NCS1: variants seen among roughly 807,000 people sequenced by gnomAD.
NCS1 encodes the protein neuronal calcium sensor 1.
In NCS1, 6 loss-of-function variants were observed where a neutral mutation model predicts 28.4. That is an observed-to-expected ratio of 0.21 (90% CI 0.12 to 0.42). The LOEUF is 0.42. Ranked by LOEUF, NCS1 falls within the 10% of genes least tolerant of loss-of-function variation. NCS1 has a pLI of 1.00. For synonymous variants in NCS1, 86 were observed against 99.3 expected, an observed-to-expected ratio of 0.87 and a Z score of 0.79; for missense variants, 131 against 241.4, an observed-to-expected ratio of 0.54 and a Z score of 3.03.
intron 6 of NCS1, among the ~76,000 whole-genome samples, chr9:130,224,828 TAA>T (rs1554911182): frequency 6.6e-6 from 1 of 152,184 alleles, no homozygotes; most frequent in Non-Finnish European, 1.5e-5. Context: ...TACTTAAAAC[TAA>T]AATAACTTAA....
rs993661019 is a variant in NCS1 at position 130,191,426 on chromosome 9, C to A, written c.65-9532C>A. On this transcript the variant is annotated intron_variant, in intron 1 of 7. Coordinates refer to ENST00000372398, the MANE Select transcript of NCS1 (RefSeq NM_014286.4). This position sits in a 1 kb window ranked among gnomAD's most constrained non-coding sequence, Gnocchi z 6.4. ...GGAGATCCCCCAACAGGTGAAATAC[C>A]CCCCGATTCGAGTGCTCAGCCTTCC... 1.3e-5 allele frequency among the ~76,000 whole-genome samples: 2 copies of A among 152,164 alleles called. No homozygotes were observed. The highest frequency in any genetic ancestry group is 2.4e-5 in the African/African-American group (1 of 41,446).
Position 130,181,191 on chromosome 9 carries a change from G to A in NCS1, c.64+8464G>A, listed in dbSNP as rs548181751. Among the ~76,000 whole-genome samples, 134 of 152,306 alleles carry A rather than the reference G, an allele frequency of 8.8e-4. No individual in the cohort carries two copies. Among genetic ancestry groups the A allele is most frequent in the African/African-American group, 2.9e-3 (119 of 41,564 alleles). ...CTTGGGCTGTGGTGTTCAAGACCCA[G>A]GCCCTTGGATCTTCTCAGCCTCAGG... is the stretch of plus-strand genomic sequence containing the variant. On this transcript the variant is annotated intron_variant, in intron 1 of 7. Coordinates refer to ENST00000372398, the MANE Select transcript of NCS1 (RefSeq NM_014286.4). The surrounding 1 kb of genome is among the most constrained non-coding windows in gnomAD (Gnocchi z 5.0).
Position 130,209,997 on chromosome 9 carries a change from G to A in NCS1, c.90-7835G>A, listed in dbSNP as rs782766937. On this transcript the variant is annotated intron_variant, in intron 2 of 7. Coordinates refer to ENST00000372398, the MANE Select transcript of NCS1 (RefSeq NM_014286.4). This position sits in a 1 kb window ranked among gnomAD's most constrained non-coding sequence, Gnocchi z 4.4. ...TAAGACCCTGTTCGCGAACAAGGTT[G>A]TGTGAGGTGTGGCCTCTGTATAAAC... Among the ~76,000 whole-genome samples, 1 of 152,122 alleles carries A rather than the reference G, an allele frequency of 6.6e-6. No homozygotes were observed. Among genetic ancestry groups the A allele is most frequent in the Non-Finnish European group, 1.5e-5 (1 of 68,032 alleles).
chr9:130,183,209 G>T (rs1367821114), intron 1 of NCS1, among the ~76,000 whole-genome samples: 1 of 152,198 alleles, frequency 6.6e-6, no homozygotes, highest in African/African-American at 2.4e-5. Context: ...TGTGGCCTCT[G>T]GCTGCCCCTC....
intron 1 of NCS1, among the ~76,000 whole-genome samples, chr9:130,182,055 T>A (rs559147808): frequency 5.3e-5 from 8 of 151,926 alleles, no homozygotes; most frequent in Admixed American, 2.6e-4. Context: ...AGTATTGTGG[T>A]TGGGGGGAGA....
At chr9:130,202,640 C>G (rs1832969001) in intron 2 of NCS1, among the ~76,000 whole-genome samples, 1 of 150,126 alleles carries the variant, frequency 6.7e-6, no homozygotes, top group East Asian at 2.0e-4. Flanking sequence ...AGTGCAGTGG[C>G]ATGATCTCAG....
rs1349680033 is a variant in NCS1 at position 130,219,534 on chromosome 9, TC to T, written c.229-186del. Among the ~76,000 whole-genome samples, 4 of 145,128 alleles carry T rather than the reference TC, an allele frequency of 2.8e-5. No individual in the cohort carries two copies. The highest frequency in any genetic ancestry group is 6.1e-5 in the Non-Finnish European group (4 of 66,114). On this transcript the variant is annotated intron_variant, in intron 3 of 7. Coordinates refer to ENST00000372398, the MANE Select transcript of NCS1 (RefSeq NM_014286.4). The surrounding 1 kb of genome is among the most constrained non-coding windows in gnomAD (Gnocchi z 5.7). ...CTCCCACTTCTAACCCCCCACACAGTCCCCCAGCCTCTGCTCCCCACCCTCT... is the reference window on the plus strand; with the variant it reads ...CTCCCACTTCTAACCCCCCACACAGTCCCCAGCCTCTGCTCCCCACCCTCT...
chr9:130,212,927 G>T (rs752738883), intron 2 of NCS1, among the ~76,000 whole-genome samples: 18 of 152,192 alleles, frequency 1.2e-4, no homozygotes, highest in Non-Finnish European at 1.8e-4. Context: ...GCTGTGATTT[G>T]CAGGGTGGTA....
intron 5 of NCS1, 151 bp from the exon 6 acceptor site, chr9:130,222,931 A>G: frequency 1.4e-6 from 1 of 700,920 alleles, no homozygotes; most frequent in Non-Finnish European, 2.4e-6. Flanking sequence ...GGGGTGTGGG[A>G]TGTTCCAGGG....
At chr9:130,213,755 A>C (rs934819465) in intron 2 of NCS1, among the ~76,000 whole-genome samples, 2 of 151,482 alleles carry the variant, frequency 1.3e-5, no homozygotes, top group Non-Finnish European at 2.9e-5. Flanking sequence ...TATTTTGTAT[A>C]TATAGTAGAG....
intron 1 of NCS1, among the ~76,000 whole-genome samples, chr9:130,190,353 C>T (rs1832801536): frequency 6.6e-6 from 1 of 152,176 alleles, no homozygotes; most frequent in East Asian, 1.9e-4. Context: ...TCTCATACAG[C>T]TTCTCTGAGG....
chr9:130,221,417 G>T (rs1453091589), intron 4 of NCS1, among the ~76,000 whole-genome samples: 15 of 55,966 alleles, frequency 2.7e-4, no homozygotes, highest in African/African-American at 9.4e-4. Context: ...TATATATAGA[G>T]AGAGAGAGAG....
chr9:130,221,445 G>GAGAGAA (rs1564713770), intron 4 of NCS1, among the ~76,000 whole-genome samples: 4 of 140,310 alleles, frequency 2.9e-5, no homozygotes, highest in Admixed American at 1.5e-4. Flanking sequence ...GAGAGAGAGA[G>GAGAGAA]AGAGAGAAAG....
intron 2 of NCS1, among the ~76,000 whole-genome samples, chr9:130,207,993 C>T (rs782029926): frequency 3.9e-5 from 6 of 152,214 alleles, no homozygotes; most frequent in Non-Finnish European, 7.4e-5. Context: ...CCCAATTCAC[C>T]GTCGTGGAAG....
In NCS1 at chr9:130,235,920, G is replaced by A. The variant is rs10988650; in HGVS notation, c.*2948G>A. 6,235 of 152,416 alleles carry A rather than the reference G, an allele frequency of 0.041. 189 individuals carry two copies. Among genetic ancestry groups the A allele is most frequent in the Non-Finnish European group, 0.063 (4,278 of 68,116 alleles). 9.4% of individuals were successfully genotyped at this position (152,416 alleles called of 1,614,324 possible). On this transcript the variant is annotated 3_prime_UTR_variant, in exon 8 of 8. Coordinates refer to ENST00000372398, the MANE Select transcript of NCS1 (RefSeq NM_014286.4). ...GCCAGGGCAGGCACCAGCCCCAGGC[G>A]GCCAGTCGGCCACGGCCTGTCCTCT...
In NCS1 at chr9:130,222,698, A is replaced by G. The variant is rs146218396; in HGVS notation, c.356A>G (p.Asn119Ser). The G allele has an allele frequency of 1.3e-4, 207 of 1,613,818 alleles. No individual in the cohort carries two copies. The highest frequency in any genetic ancestry group is 1.6e-4 in the Non-Finnish European group (192 of 1,179,940). ...GACAATGATGGCTACATCACCAGGA[A>G]TGAGATGCTGGACATTGTGGATGCC... The part of the protein sequence containing the change: ...DLDNDGYITR[N>S]EMLDIVDAIY... The change falls in exon 5 of 8, where the codon AAT becomes AGT. Residue 119 changes from asparagine to serine, a missense_variant. By Grantham distance (46) the Asn-to-Ser change is conservative. Transcript: ENST00000372398.
Position 130,234,535 on chromosome 9 carries a change from G to C in NCS1, c.*1563G>C, listed in dbSNP as rs1554912625. 6.6e-6 allele frequency: 1 copy of C among 152,418 alleles called. No individual in the cohort carries two copies. Among genetic ancestry groups the C allele is most frequent in the African/African-American group, 2.4e-5 (1 of 41,472 alleles). The allele number at this position is 152,418 out of a possible 1,614,324, so 9.4% of individuals were successfully genotyped here. On this transcript the variant is annotated 3_prime_UTR_variant, in exon 8 of 8. Coordinates refer to ENST00000372398, the MANE Select transcript of NCS1 (RefSeq NM_014286.4). This position sits in a 1 kb window ranked among gnomAD's most constrained non-coding sequence, Gnocchi z 6.1. ...CCATCTGCAGAGCGAGGAGGCCCGGGCTGGTTGGTCTTGAAGGCCCTTTTC... is the reference window on the plus strand; with the variant it reads ...CCATCTGCAGAGCGAGGAGGCCCGGCCTGGTTGGTCTTGAAGGCCCTTTTC...
chr9:130,212,031 A>ACCATGTGGAAGACAT (rs6151194), intron 2 of NCS1, among the ~76,000 whole-genome samples: 10,247 of 152,028 alleles, frequency 0.067, 429 homozygotes, highest in Middle Eastern at 0.11. Flanking sequence ...GGAAGGGCAG[A>ACCATGTGGAAGACAT]CCATGTGGAA....
At chr9:130,211,350 G>A (rs1833109683) in intron 2 of NCS1, among the ~76,000 whole-genome samples, 2 of 151,526 alleles carry the variant, frequency 1.3e-5, no homozygotes, top group Non-Finnish European at 2.9e-5. Flanking sequence ...GGAGATGCTG[G>A]GGCTGGACTC....
Sources: allele counts gnomAD v4.1 joint callset (sites outside exome capture counted in the v4.1 genomes callset), GRCh38; gene constraint gnomAD v4.1.1; non-coding constraint Gnocchi (gnomAD v3.1); transcripts MANE v1.5; gene names NCBI Gene and HGNC (gene_info 2026-07-23, HGNC 2026-07-21).